ROBO2: variants seen among roughly 807,000 people sequenced by gnomAD.
ROBO2 encodes the protein roundabout homolog 2.
ROBO2 carries 53 observed loss-of-function variants against 160.8 expected under a neutral mutation model. The observed-to-expected ratio is 0.33, with a 90% CI of 0.26 to 0.41. ROBO2 has a LOEUF of 0.41. ROBO2 is among the 10% of genes least tolerant of loss of function. The probability of loss-of-function intolerance (pLI) is 1.00; values close to 1 mark genes in which losing one functional copy is unlikely to be tolerated. For synonymous variants in ROBO2, 664 were observed against 611.7 expected (o/e 1.09, Z -1.26); for missense variants, 1,577 against 1,722.4 (o/e 0.92, Z 1.49).
intron 6 of ROBO2, among the ~76,000 whole-genome samples, chr3:77,544,505 T>C (rs570572687): frequency 6.6e-6 from 1 of 152,238 alleles, no homozygotes; most frequent in East Asian, 1.9e-4. Context: ...GGAGGCGGTA[T>C]AATAGAACAC....
chr3:76,798,196 A>G (rs940026485), intron 2 of ROBO2, among the ~76,000 whole-genome samples: 2 of 149,422 alleles, frequency 1.3e-5, no homozygotes, highest in African/African-American at 5.0e-5. Context: ...AAGAAAAAGA[A>G]GAAAGAAAGA....
At chr3:77,173,517 A>T (rs1269656399) in intron 2 of ROBO2, among the ~76,000 whole-genome samples, 2 of 152,098 alleles carry the variant, frequency 1.3e-5, no homozygotes, top group Non-Finnish European at 2.9e-5. Context: ...TGAAAGTCCC[A>T]TGTGTTGAGC....
chr3:77,116,915 A>C (rs2074263465), intron 2 of ROBO2, among the ~76,000 whole-genome samples: 1 of 152,232 alleles, frequency 6.6e-6, no homozygotes, highest in Non-Finnish European at 1.5e-5. Context: ...GCCTCAGTGT[A>C]GTCCATCATC....
intron 2 of ROBO2, among the ~76,000 whole-genome samples, chr3:76,548,789 A>G (rs2083258437): frequency 6.6e-6 from 1 of 152,100 alleles, no homozygotes; most frequent in Admixed American, 6.6e-5. Flanking sequence ...AGGGACGCTA[A>G]TGACAATGGA....
At chr3:77,360,354 A>C (rs546098196) in intron 2 of ROBO2, among the ~76,000 whole-genome samples, 1 of 151,696 alleles carries the variant, frequency 6.6e-6, no homozygotes, top group Non-Finnish European at 1.5e-5. Flanking sequence ...TCAAAAATTC[A>C]GTGATTATAA....
rs561059081 is a variant in ROBO2 at position 76,029,085 on chromosome 3, C to T, written c.109+91483C>T. ...ATCTGAAAAAAAAGAACATATTATT[C>T]TTATGACAGTTTAGCTAAAAGTAGG... is the stretch of plus-strand genomic sequence containing the variant. On this transcript the variant is annotated intron_variant, in intron 2 of 26. Transcript: ENST00000487694. 2.6e-5 allele frequency among the ~76,000 whole-genome samples: 4 copies of T among 152,070 alleles called. No homozygotes were observed. The East Asian group carries it at 7.7e-4, about 29-fold the overall frequency.
chr3:76,450,066 C>G (rs1201857972), intron 2 of ROBO2, among the ~76,000 whole-genome samples: 1 of 151,564 alleles, frequency 6.6e-6, no homozygotes, highest in Non-Finnish European at 1.5e-5. Flanking sequence ...GTAACACCAG[C>G]TAATATAAAC....
intron 2 of ROBO2, among the ~76,000 whole-genome samples, chr3:76,903,714 C>T (rs2075390557): frequency 6.6e-6 from 1 of 152,234 alleles, no homozygotes; most frequent in South Asian, 2.1e-4. Flanking sequence ...GAAATCAAAT[C>T]ATTTACATGG....
intron 2 of ROBO2, among the ~76,000 whole-genome samples, chr3:76,150,019 ATC>A (rs999201425): frequency 5.4e-5 from 8 of 147,236 alleles, no homozygotes; most frequent in Non-Finnish European, 1.0e-4. Flanking sequence ...TAAAACAGAC[ATC>A]TGTCTAAATC....
At chr3:76,982,973 A>G (rs2060174612) in intron 2 of ROBO2, among the ~76,000 whole-genome samples, 1 of 152,178 alleles carries the variant, frequency 6.6e-6, no homozygotes, top group Non-Finnish European at 1.5e-5. Flanking sequence ...ATAGCTATTT[A>G]TTCCAACTTG....
Position 76,809,440 on chromosome 3 carries a change from G to A in ROBO2, c.110-288574G>A, listed in dbSNP as rs79822570. Reference sequence around the variant, plus strand: ...TTCTTCAAACCAGTAAGGGAGAAAAGCCTCTCACCTCTGTCTACAAAGACA... The same window carrying A: ...TTCTTCAAACCAGTAAGGGAGAAAAACCTCTCACCTCTGTCTACAAAGACA... On this transcript the variant is annotated intron_variant, in intron 2 of 26. Coordinates refer to the ROBO2 transcript ENST00000487694. 6.6e-5 allele frequency among the ~76,000 whole-genome samples: 10 copies of A among 152,262 alleles called. No individual in the cohort carries two copies. In the East Asian group the frequency reaches 1.9e-3, roughly 29 times the overall value.
At chr3:77,160,784 T>A (rs560471012) in intron 2 of ROBO2, among the ~76,000 whole-genome samples, 96 of 152,282 alleles carry the variant, frequency 6.3e-4, no homozygotes, top group Non-Finnish European at 2.6e-4. Flanking sequence ...TCTTGGCATG[T>A]AATTACCCCG....
intron 2 of ROBO2, among the ~76,000 whole-genome samples, chr3:76,715,150 C>T (rs951722718): frequency 2.0e-5 from 3 of 151,978 alleles, no homozygotes; most frequent in South Asian, 2.1e-4. Flanking sequence ...TCTTCCATCT[C>T]GTAAATAATT....
At chr3:76,878,844 G>A (rs1356326459) in intron 2 of ROBO2, among the ~76,000 whole-genome samples, 2 of 152,070 alleles carry the variant, frequency 1.3e-5, no homozygotes, top group South Asian at 2.1e-4. Flanking sequence ...TTTTAATAAT[G>A]CAAAAACAAA....
chr3:76,119,581 T>A (rs1293488769), intron 2 of ROBO2, among the ~76,000 whole-genome samples: 3 of 151,970 alleles, frequency 2.0e-5, no homozygotes, highest in African/African-American at 7.2e-5. Context: ...TTACAAGAAG[T>A]TGTACTTTTT....
intron 2 of ROBO2, among the ~76,000 whole-genome samples, chr3:76,421,336 G>C (rs1577079615): frequency 6.6e-6 from 1 of 152,138 alleles, no homozygotes; most frequent in East Asian, 1.9e-4. Context: ...CCGAAAAAAG[G>C]TTCAACATGC....
chr3:77,643,682 T>A (rs1008765434), intron 24 of ROBO2, among the ~76,000 whole-genome samples: 1 of 152,074 alleles, frequency 6.6e-6, no homozygotes, highest in Non-Finnish European at 1.5e-5. Context: ...ATACACACAA[T>A]CTTTGAAAAA....
chr3:77,557,556 C>T (rs771439454), intron 8 of ROBO2, among the ~76,000 whole-genome samples: 9 of 151,958 alleles, frequency 5.9e-5, no homozygotes, highest in Middle Eastern at 3.4e-3. Context: ...CTTAAATATG[C>T]ATATGAGATA....
chr3:77,545,492 C>A (rs2092664239), intron 6 of ROBO2, among the ~76,000 whole-genome samples: 1 of 152,078 alleles, frequency 6.6e-6, no homozygotes, highest in African/African-American at 2.4e-5. Flanking sequence ...AACTTAAATT[C>A]TCTTCCACTG....
Sources: gnomAD v4.1 joint callset for allele counts (sites outside exome capture counted in the v4.1 genomes callset) on GRCh38, gnomAD v4.1.1 for gene constraint, MANE v1.5 for transcripts, NCBI Gene and HGNC (gene_info 2026-07-23, HGNC 2026-07-21) for gene names.